Variants in SLC25A13 observed in about 807,000 individuals in gnomAD.
SLC25A13 encodes solute carrier family 25 member 13.
SLC25A13 carries 70 observed loss-of-function variants against 85.5 expected under a neutral mutation model. That is an observed-to-expected ratio of 0.82 (90% CI 0.68 to 1.00). The LOEUF (loss-of-function observed/expected upper bound fraction) is 1.00, where lower values mean the gene tolerates loss of function less well. SLC25A13 is among the 50% of genes least tolerant of loss of function. The probability of loss-of-function intolerance (pLI) is 0.00; values close to 1 mark genes in which losing one functional copy is unlikely to be tolerated. For synonymous variants in SLC25A13, 259 were observed against 288.7 expected (o/e 0.90, Z 1.04); for missense variants, 765 against 819.8 (o/e 0.93, Z 0.82).
chr7:96,236,408 A>C (rs1423367505), intron 3 of SLC25A13, among the ~76,000 whole-genome samples: 1 of 152,112 alleles, frequency 6.6e-6, no homozygotes, highest in Non-Finnish European at 1.5e-5. Flanking sequence ...GGAAGGGGAG[A>C]TAGTCATGAG....
At chr7:96,274,359 G>T (rs745424223) in intron 3 of SLC25A13, among the ~76,000 whole-genome samples, 45 of 152,082 alleles carry the variant, frequency 3.0e-4, no homozygotes, top group Non-Finnish European at 5.9e-4. Flanking sequence ...GGCGCTGTTT[G>T]TTTTTTTCTT....
At chr7:96,206,380 A>G (rs1485069761) in intron 5 of SLC25A13, among the ~76,000 whole-genome samples, 1 of 152,242 alleles carries the variant, frequency 6.6e-6, no homozygotes, top group South Asian at 2.1e-4. Flanking sequence ...CTGTATCCAG[A>G]AAGAGCCCAA....
chr7:96,267,100 T>C (rs2116911019), intron 3 of SLC25A13, among the ~76,000 whole-genome samples: 1 of 152,320 alleles, frequency 6.6e-6, no homozygotes, highest in East Asian at 1.9e-4. Context: ...TTATTGATTC[T>C]GTATTATAAC....
intron 15 of SLC25A13, among the ~76,000 whole-genome samples, chr7:96,129,106 G>C (rs1791891493): frequency 6.6e-6 from 1 of 152,108 alleles, no homozygotes; most frequent in South Asian, 2.1e-4. Context: ...CATCTTGAAA[G>C]TGGCTTCTCC....
Position 96,208,890 on chromosome 7 carries a change from C to G in SLC25A13, c.416G>C (p.Gly139Ala). The stretch of plus-strand genomic sequence containing the variant: ...TGTCAGGTGTCTTTTTCTTTCTTTT[C>G]CAAAATGTAGTTGCACAAATTCTGA... ...WDSEFVQLHF[G>A]KERKRHLTYA... is the part of the protein sequence containing the mutation. Residue 139 changes from glycine (G) to alanine (A), a missense_variant, in exon 5 of 18, where the codon GGA becomes GCA. Gly to Ala is a moderately conservative substitution (Grantham distance 60). Coordinates refer to ENST00000265631, the MANE Select transcript of SLC25A13 (RefSeq NM_014251.3). 1 of 1,613,990 alleles carries G rather than the reference C, an allele frequency of 6.2e-7. No individual in the cohort carries two copies. Among genetic ancestry groups the G allele is most frequent in the South Asian group, 1.1e-5 (1 of 91,070 alleles).
intron 3 of SLC25A13, among the ~76,000 whole-genome samples, chr7:96,247,349 C>T (rs142703676): frequency 2.0e-5 from 3 of 151,174 alleles, no homozygotes; most frequent in Admixed American, 2.0e-4. Context: ...TATTTAAGAC[C>T]ATAAAAAAGA....
intron 3 of SLC25A13, among the ~76,000 whole-genome samples, chr7:96,276,718 G>C (rs543469829): frequency 1.3e-5 from 2 of 152,294 alleles, no homozygotes; most frequent in African/African-American, 4.8e-5. Context: ...TGTCCTATTT[G>C]ATTCTATATG....
At chr7:96,306,310 G>C (rs918284191) in intron 1 of SLC25A13, among the ~76,000 whole-genome samples, 1 of 152,246 alleles carries the variant, frequency 6.6e-6, no homozygotes, top group African/African-American at 2.4e-5. Context: ...CCCCCAGTCT[G>C]ACCTTCAGGG....
chr7:96,152,916 A>T (rs1231372652), intron 13 of SLC25A13, among the ~76,000 whole-genome samples: 1 of 152,176 alleles, frequency 6.6e-6, no homozygotes, highest in Non-Finnish European at 1.5e-5. Context: ...GGAATGAGAG[A>T]GCTGTGTAGT....
chr7:96,204,322 GTT>G (rs1795376359), intron 5 of SLC25A13, among the ~76,000 whole-genome samples: 1 of 152,170 alleles, frequency 6.6e-6, no homozygotes, highest in African/African-American at 2.4e-5. Context: ...TGGTAGAAAA[GTT>G]TTAGAAACCT....
intron 1 of SLC25A13, among the ~76,000 whole-genome samples, chr7:96,307,220 A>T (rs1271016494): frequency 1.3e-5 from 2 of 152,206 alleles, no homozygotes. Context: ...ACAACTATTT[A>T]AAAAATTTTA....
chr7:96,266,376 C>A (rs1397592571), intron 3 of SLC25A13, among the ~76,000 whole-genome samples: 2 of 152,182 alleles, frequency 1.3e-5, no homozygotes, highest in Non-Finnish European at 2.9e-5. Flanking sequence ...TATCTACTCT[C>A]AAGTGAGTCT....
chr7:96,121,119 C>T lies in SLC25A13; in HGVS notation c.*72G>A, dbSNP rs755310327. ...TGGACGTAAAAGGGATGAAGCATTG[C>T]TTCATTCCCAGGAGGGATGTTCTTT... On this transcript the variant is annotated 3_prime_UTR_variant, in exon 18 of 18. Transcript: ENST00000265631. 25 of 1,523,254 alleles carry T rather than the reference C, an allele frequency of 1.6e-5. No homozygotes were observed. Among genetic ancestry groups the T allele is most frequent in the African/African-American group, 2.7e-5 (2 of 72,928 alleles). 94.4% of individuals were successfully genotyped at this position (1,523,254 alleles called of 1,614,324 possible).
At chr7:96,256,477 A>G (rs2116881240) in intron 3 of SLC25A13, among the ~76,000 whole-genome samples, 1 of 152,322 alleles carries the variant, frequency 6.6e-6, no homozygotes, top group East Asian at 1.9e-4. Flanking sequence ...AAAGAAGGGC[A>G]TTATATAATG....
intron 4 of SLC25A13, among the ~76,000 whole-genome samples, chr7:96,211,744 G>A (rs981257255): frequency 6.6e-6 from 1 of 152,124 alleles, no homozygotes; most frequent in African/African-American, 2.4e-5. Flanking sequence ...ACCCTTTGGG[G>A]CACTACAGTT....
rs116865085 is a variant in SLC25A13 at position 96,301,688 on chromosome 7, G to A, written c.16-4737C>T. 7.7e-3 allele frequency among the ~76,000 whole-genome samples: 1,160 copies of A among 151,592 alleles called. 7 individuals are homozygous for A. Among genetic ancestry groups the A allele is most frequent in the Non-Finnish European group, 0.012 (800 of 67,894 alleles). Reference sequence around the variant, plus strand: ...GTGTCACTCAGGCTGGAGTGCAGTGGTGCGATCATGGCTTACTGCAGCCTC... The same window carrying A: ...GTGTCACTCAGGCTGGAGTGCAGTGATGCGATCATGGCTTACTGCAGCCTC... On this transcript the variant is annotated intron_variant, in intron 1 of 17. Transcript: ENST00000265631.
chr7:96,291,422 T>C (rs1340310485), intron 2 of SLC25A13, among the ~76,000 whole-genome samples: 1 of 152,038 alleles, frequency 6.6e-6, no homozygotes, highest in Admixed American at 6.6e-5. Flanking sequence ...AAGAAATAAC[T>C]AAGATCAGAG....
At chr7:96,190,393 A>G (rs1013743756) in intron 7 of SLC25A13, among the ~76,000 whole-genome samples, 8 of 150,980 alleles carry the variant, frequency 5.3e-5, no homozygotes, top group Admixed American at 1.3e-4. Context: ...ACCGGCTCTG[A>G]TTTTTTTTCT....
intron 15 of SLC25A13, among the ~76,000 whole-genome samples, chr7:96,127,936 C>T (rs140976056): frequency 3.7e-4 from 57 of 152,298 alleles, no homozygotes; most frequent in African/African-American, 1.4e-3. Context: ...AATGTGGGGG[C>T]CTGATCCGTC....
Sources: gnomAD v4.1 joint callset for allele counts (sites outside exome capture counted in the v4.1 genomes callset) on GRCh38, gnomAD v4.1.1 for gene constraint, MANE v1.5 for transcripts, NCBI Gene and HGNC (gene_info 2026-07-23, HGNC 2026-07-21) for gene names.